The following DCTN4 variants were observed in gnomAD, a reference collection of about 807,000 sequenced individuals.
The protein encoded by DCTN4 is dynactin subunit 4.
In DCTN4, 23 loss-of-function variants were observed where a neutral mutation model predicts 62.7. The observed-to-expected ratio is 0.37, with a 90% CI of 0.26 to 0.52. The LOEUF is 0.52. Among genes scored for constraint, DCTN4 ranks in the 20% least tolerant of loss-of-function variants. The pLI is 0.92. For missense variants in DCTN4, 514 were observed against 580.4 expected, an observed-to-expected ratio of 0.89 and a Z score of 1.18; for synonymous variants, 199 against 202.1, an observed-to-expected ratio of 0.98 and a Z score of 0.13.
At chr5:150,720,261 C>T (rs1189293333) in intron 9 of DCTN4, among the ~76,000 whole-genome samples, 1 of 152,122 alleles carries the variant, frequency 6.6e-6, no homozygotes, top group Non-Finnish European at 1.5e-5. Flanking sequence ...GGAAAAAGTA[C>T]ATCTTAGAAT....
At chr5:150,716,203 C>T (rs1759752032) in intron 11 of DCTN4, among the ~76,000 whole-genome samples, 1 of 152,148 alleles carries the variant, frequency 6.6e-6, no homozygotes, top group African/African-American at 2.4e-5. Flanking sequence ...CGCGCCTAGC[C>T]CTAATGTTTA....
At chr5:150,730,549 T>G (rs1760319307) in intron 8 of DCTN4, 82 bp downstream of exon 8, 3 of 1,224,606 alleles carry the variant, frequency 2.4e-6, no homozygotes, top group Admixed American at 3.6e-5. Context: ...TTCCAAAGGT[T>G]TTGACATTAG....
intron 8 of DCTN4, among the ~76,000 whole-genome samples, chr5:150,727,961 T>G (rs1760217555): frequency 1.3e-5 from 2 of 152,116 alleles, no homozygotes. Context: ...AAAGGTATAA[T>G]GCCCTAATGT....
chr5:150,715,746 G>A, intron 11 of DCTN4, 84 bp from the exon 12 acceptor site: 3 of 1,078,128 alleles, frequency 2.8e-6, no homozygotes, highest in African/African-American at 1.6e-5. Flanking sequence ...TTAGACAAAT[G>A]GAAGCACACA....
chr5:150,732,901 A>G (rs1760436475), intron 5 of DCTN4, among the ~76,000 whole-genome samples: 2 of 152,230 alleles, frequency 1.3e-5, no homozygotes, highest in South Asian at 4.1e-4. Flanking sequence ...TGCACTATGT[A>G]AAAAGTCAGT....
intron 9 of DCTN4, 50 bp downstream of exon 9, chr5:150,722,857 C>A (rs756635114): frequency 6.8e-7 from 1 of 1,471,468 alleles, no homozygotes; most frequent in Non-Finnish European, 9.4e-7. Flanking sequence ...GAAGAATAAA[C>A]CAAAATAACT....
At chr5:150,740,378 C>A (rs1760725139) in intron 4 of DCTN4, among the ~76,000 whole-genome samples, 1 of 151,418 alleles carries the variant, frequency 6.6e-6, no homozygotes. Context: ...GCAAGAATGG[C>A]CTTAATTAAA....
intron 5 of DCTN4, chr5:150,732,015 A>G: frequency 1.1e-6 from 1 of 910,360 alleles, no homozygotes. Flanking sequence ...TGGAAGAATA[A>G]TTCATTTAAT....
chr5:150,733,540 T>TGTG, intron 4 of DCTN4, 65 bp from the exon 5 acceptor site: 1 of 1,140,518 alleles, frequency 8.8e-7, no homozygotes, highest in Non-Finnish European at 1.3e-6. Flanking sequence ...ATTAATCAAC[T>TGTG]ACACTGACTA....
At chr5:150,743,020 G>A (rs1341676683) in intron 3 of DCTN4, 1 of 154,962 alleles carries the variant, frequency 6.5e-6, no homozygotes, top group Non-Finnish European at 1.4e-5. Context: ...AGCAGGGCAA[G>A]GCATTGCCTC....
At position 150,709,423 on chromosome 5, in the gene DCTN4, TG is replaced by T. The variant is rs1759484105; in HGVS notation, c.*1725del. 3 of 152,378 alleles carry T rather than the reference TG, an allele frequency of 2.0e-5. No individual in the cohort carries two copies. Among genetic ancestry groups the T allele is most frequent in the African/African-American group, 7.2e-5 (3 of 41,466 alleles). 9.4% of individuals were successfully genotyped at this position (152,378 alleles called of 1,614,324 possible). On this transcript the variant is annotated 3_prime_UTR_variant, in exon 13 of 13. Coordinates refer to ENST00000447998, the MANE Select transcript of DCTN4 (RefSeq NM_016221.4). ...TCCTCCACTGGCAAATATGGAGCAGTGATTTCACAGTAGGCTCTAGCAGGTA... is the reference window on the plus strand; with the variant it reads ...TCCTCCACTGGCAAATATGGAGCAGTATTTCACAGTAGGCTCTAGCAGGTA...
chr5:150,731,174 C>T lies in DCTN4; in HGVS notation c.612-18G>A. On this transcript the variant is annotated intron_variant, in intron 6 of 12. Coordinates refer to ENST00000447998, the MANE Select transcript of DCTN4 (RefSeq NM_016221.4). ...CTTTAAGGCTGAAAAATTAAAAAAA[C>T]AAAACAAAACAAAACAAAAGAGTAA... 2 of 1,456,800 alleles carry T rather than the reference C, an allele frequency of 1.4e-6. No individual in the cohort carries two copies. The highest frequency in any genetic ancestry group is 1.9e-6 in the Non-Finnish European group (2 of 1,040,178). The allele number at this position is 1,456,800 out of a possible 1,614,324, so 90.2% of individuals were successfully genotyped here.
At chr5:150,747,599 T>C (rs924781261) in intron 3 of DCTN4, among the ~76,000 whole-genome samples, 2 of 151,902 alleles carry the variant, frequency 1.3e-5, no homozygotes, top group Non-Finnish European at 2.9e-5. Flanking sequence ...GAGATGTAGA[T>C]CAATGGAACA....
chr5:150,748,369 G>A (rs1194200849), intron 3 of DCTN4, among the ~76,000 whole-genome samples: 11 of 152,162 alleles, frequency 7.2e-5, no homozygotes, highest in African/African-American at 2.7e-4. Context: ...CGTTGTGGAA[G>A]TCAGTGTGGC....
In DCTN4 at chr5:150,712,280, C is replaced by T. The variant is rs943877089; in HGVS notation, c.1170-918G>A. On this transcript the variant is annotated intron_variant, in intron 12 of 12. Coordinates refer to ENST00000447998, the MANE Select transcript of DCTN4 (RefSeq NM_016221.4). ...GAGTAGCTGGGATTACAGGTGCACA[C>T]CATCACGCCCAGCTAATTTTTATAA... 1.2e-4 allele frequency among the ~76,000 whole-genome samples: 19 copies of T among 152,106 alleles called. 1 individual carries two copies. The highest frequency in any genetic ancestry group is 6.6e-5 in the Admixed American group (1 of 15,264).
Position 150,715,556 on chromosome 5 carries a change from A to C in DCTN4, c.1169+9T>G, listed in dbSNP as rs768137894. The C allele has an allele frequency of 5.6e-6, 9 of 1,611,730 alleles. No individual in the cohort carries two copies. In the East Asian group the frequency reaches 1.3e-4, roughly 24 times the overall value. On this transcript the variant is annotated intron_variant, in intron 12 of 12. Transcript: ENST00000447998. ...TTTGTTGTATGGGGATCACAAAAAG[A>C]TCACTCACTCAGGATCGTCCTGAAA...
At position 150,718,356 on chromosome 5, in the gene DCTN4, T is replaced by A; in HGVS notation, c.991A>T (p.Asn331Tyr). The change falls in exon 11 of 13, where the codon AAT becomes TAT. Residue 331 changes from asparagine (N) to tyrosine (Y), a missense_variant. Physicochemically the swap from Asn to Tyr is moderately radical, Grantham distance 143. Transcript: ENST00000447998. ...ACATGGGTGAGGTTCTCAACTGGAT[T>A]TGTAAGAGTCAGGAGGACCTGGCTC... Reference protein sequence around the residue: ...KESQVLLTLTNPVENLTHVTL... With the variant: ...KESQVLLTLTYPVENLTHVTL... The A allele has an allele frequency of 6.2e-7, 1 of 1,614,064 alleles. No homozygotes were observed. The highest frequency in any genetic ancestry group is 8.5e-7 in the Non-Finnish European group (1 of 1,179,966).
At chr5:150,747,488 C>A (rs1169880549) in intron 3 of DCTN4, among the ~76,000 whole-genome samples, 1 of 152,180 alleles carries the variant, frequency 6.6e-6, no homozygotes, top group African/African-American at 2.4e-5. Context: ...CCAAGTCAAT[C>A]CTAAGCCAAA....
chr5:150,740,412 C>T (rs1760726720), intron 4 of DCTN4, among the ~76,000 whole-genome samples: 1 of 151,832 alleles, frequency 6.6e-6, no homozygotes, highest in Non-Finnish European at 1.5e-5. Flanking sequence ...TAGATGCTGG[C>T]ATGGATCTGG....
Sources: gnomAD v4.1 joint callset for allele counts (sites outside exome capture counted in the v4.1 genomes callset) on GRCh38, gnomAD v4.1.1 for gene constraint, MANE v1.5 for transcripts, NCBI Gene and HGNC (gene_info 2026-07-23, HGNC 2026-07-21) for gene names.